The following EYS variants were observed in gnomAD, a reference collection of about 807,000 sequenced individuals.
EYS encodes the protein EGF-like photoreceptor maintenance factor, also known as protein eyes shut homolog.
In EYS, 250 loss-of-function variants were observed where a neutral mutation model predicts 282.1. The observed-to-expected ratio is 0.89, with a 90% CI of 0.80 to 0.98. EYS has a LOEUF of 0.98. EYS is among the 50% of genes least tolerant of loss of function. The pLI is 0.00. For missense variants in EYS, 4,016 were observed against 3,709.0 expected (o/e 1.08, Z -2.15); for synonymous variants, 1,355 against 1,282.9 (o/e 1.06, Z -1.20).
At chr6:64,015,251 C>A (rs1369330136) in intron 33 of EYS, among the ~76,000 whole-genome samples, 2 of 152,040 alleles carry the variant, frequency 1.3e-5, no homozygotes, top group Non-Finnish European at 2.9e-5. Context: ...GAAGATGATA[C>A]ATAAAATTTG....
chr6:64,192,650 C>A (rs942372535), intron 31 of EYS, among the ~76,000 whole-genome samples: 2 of 152,228 alleles, frequency 1.3e-5, no homozygotes, highest in Middle Eastern at 3.4e-3. Flanking sequence ...GAAACTGGAA[C>A]CCTTCCTTAC....
At chr6:64,661,267 C>T (rs573741279) in intron 22 of EYS, among the ~76,000 whole-genome samples, 1 of 152,118 alleles carries the variant, frequency 6.6e-6, no homozygotes, top group Admixed American at 6.5e-5. Flanking sequence ...CATGTTAGAC[C>T]TGAAACCATA....
chr6:64,354,174 T>C (rs1771743603), intron 29 of EYS, among the ~76,000 whole-genome samples: 1 of 151,638 alleles, frequency 6.6e-6, no homozygotes, highest in Admixed American at 6.6e-5. Context: ...CAATCCCTGA[T>C]TTATTTGAGC....
intron 15 of EYS, among the ~76,000 whole-genome samples, chr6:64,914,992 A>G (rs1036742955): frequency 6.6e-6 from 1 of 152,116 alleles, no homozygotes; most frequent in Admixed American, 6.5e-5. Context: ...CAAAATCAAA[A>G]TGCTCTAATT....
At chr6:65,450,031 G>A (rs9345630) in intron 5 of EYS, among the ~76,000 whole-genome samples, 28,186 of 152,052 alleles carry the variant, frequency 0.19, 3,262 homozygotes, top group Middle Eastern at 0.3. Flanking sequence ...AGATACTAGA[G>A]ACTGCTGCCT....
intron 2 of EYS, among the ~76,000 whole-genome samples, chr6:65,554,277 T>C (rs1768708988): frequency 6.6e-6 from 1 of 152,160 alleles, no homozygotes; most frequent in Non-Finnish European, 1.5e-5. Context: ...TTTTCAAAGA[T>C]TTAGTATCCG....
chr6:64,427,619 C>CA (rs1774451337), intron 28 of EYS, among the ~76,000 whole-genome samples: 2 of 151,866 alleles, frequency 1.3e-5, no homozygotes, highest in Admixed American at 1.3e-4. Context: ...TTGATGTAAA[C>CA]AAAAATATAT....
At chr6:64,882,820 G>A (rs1036799279) in intron 19 of EYS, among the ~76,000 whole-genome samples, 5 of 151,556 alleles carry the variant, frequency 3.3e-5, no homozygotes, top group Non-Finnish European at 5.9e-5. Flanking sequence ...ACTAAACTTT[G>A]ATGGAGAGAA....
At chr6:64,236,970 T>A (rs1297333907) in intron 30 of EYS, among the ~76,000 whole-genome samples, 1 of 152,010 alleles carries the variant, frequency 6.6e-6, no homozygotes, top group Non-Finnish European at 1.5e-5. Context: ...ATTTCTTCTA[T>A]CCCCCAGATC....
At chr6:64,996,476 T>TG (rs1771268473) in intron 14 of EYS, among the ~76,000 whole-genome samples, 1 of 152,252 alleles carries the variant, frequency 6.6e-6, no homozygotes. Flanking sequence ...ATGCCTCCCT[T>TG]GCCTCAGAGA....
intron 19 of EYS, among the ~76,000 whole-genome samples, chr6:64,856,661 A>C (rs1450062695): frequency 6.6e-6 from 1 of 152,262 alleles, no homozygotes; most frequent in African/African-American, 2.4e-5. Context: ...TGTATTTTGA[A>C]TATAAGTTTC....
At chr6:64,750,113 C>T (rs926703404) in intron 22 of EYS, among the ~76,000 whole-genome samples, 2 of 152,020 alleles carry the variant, frequency 1.3e-5, no homozygotes, top group African/African-American at 4.8e-5. Context: ...AACATAATAT[C>T]TCTTACAAAA....
At chr6:65,178,438 C>A (rs143816368) in intron 12 of EYS, among the ~76,000 whole-genome samples, 2 of 151,744 alleles carry the variant, frequency 1.3e-5, no homozygotes, top group African/African-American at 4.8e-5. Context: ...ACAAGATGGA[C>A]GAATAGGAAC....
chr6:64,946,427 A>T (rs1274616991), intron 14 of EYS, among the ~76,000 whole-genome samples: 1 of 152,032 alleles, frequency 6.6e-6, no homozygotes, highest in Non-Finnish European at 1.5e-5. Flanking sequence ...TGAAACAGAG[A>T]GTTGCCCTAT....
intron 15 of EYS, among the ~76,000 whole-genome samples, chr6:64,918,494 A>T (rs2150080019): frequency 6.6e-6 from 1 of 152,290 alleles, no homozygotes; most frequent in Non-Finnish European, 1.5e-5. Context: ...AGTAACATTG[A>T]TTGTTATCCA....
At chr6:63,977,378 T>C (rs1766887412) in intron 35 of EYS, among the ~76,000 whole-genome samples, 1 of 129,718 alleles carries the variant, frequency 7.7e-6, no homozygotes, top group Non-Finnish European at 1.7e-5. Context: ...ATAACTAATA[T>C]ATTTACCCAT....
At chr6:64,971,978 A>G (rs1179013808) in intron 14 of EYS, among the ~76,000 whole-genome samples, 1 of 152,166 alleles carries the variant, frequency 6.6e-6, no homozygotes, top group Non-Finnish European at 1.5e-5. Flanking sequence ...CCAGGAAATC[A>G]TGAAAGAGAT....
intron 36 of EYS, among the ~76,000 whole-genome samples, chr6:63,810,134 G>A (rs1309588470): frequency 6.6e-6 from 1 of 150,786 alleles, no homozygotes; most frequent in East Asian, 1.9e-4. Flanking sequence ...GGTGGCACGC[G>A]CCTGTAGTCC....
intron 22 of EYS, among the ~76,000 whole-genome samples, chr6:64,703,429 A>ATTTTTTTTTTTTTTT (rs1554194865): frequency 1.7e-4 from 4 of 23,366 alleles, no homozygotes; most frequent in Non-Finnish European, 2.2e-4. Flanking sequence ...ATATATATAT[A>ATTTTTTTTTTTTTTT]TTTTTTTTTT....
Sources: allele counts gnomAD v4.1 joint callset (sites outside exome capture counted in the v4.1 genomes callset), GRCh38; gene constraint gnomAD v4.1.1; transcripts MANE v1.5; gene names NCBI Gene and HGNC (gene_info 2026-07-23, HGNC 2026-07-21).